MDGA2: variants seen among roughly 807,000 people sequenced by gnomAD.
MDGA2 encodes MAM domain containing glycosylphosphatidylinositol anchor 2, also known as MAM domain-containing glycosylphosphatidylinositol anchor protein 2.
Under a neutral mutation model 117.8 loss-of-function variants are expected in MDGA2, and 40 were observed. That is an observed-to-expected ratio of 0.34 (90% CI 0.26 to 0.44). The LOEUF (loss-of-function observed/expected upper bound fraction) is 0.44. Ranked by LOEUF, MDGA2 falls within the 20% of genes least tolerant of loss-of-function variation. The pLI is 1.00. For synonymous variants in MDGA2, 452 were observed against 439.0 expected (o/e 1.03, Z -0.37); for missense variants, 1,123 against 1,250.6 (o/e 0.90, Z 1.54).
At chr14:47,472,127 C>G (rs936341527) in intron 1 of MDGA2, among the ~76,000 whole-genome samples, 1 of 152,072 alleles carries the variant, frequency 6.6e-6, no homozygotes, top group African/African-American at 2.4e-5. Context: ...CAATCCACTA[C>G]CCCAGCACAA....
At chr14:46,868,419 C>T (rs1392916851) in intron 14 of MDGA2, among the ~76,000 whole-genome samples, 1 of 151,844 alleles carries the variant, frequency 6.6e-6, no homozygotes, top group Non-Finnish European at 1.5e-5. Flanking sequence ...ATCAAGCCTA[C>T]AGTTCAGCAG....
chr14:47,438,303 C>G (rs1458522015), intron 1 of MDGA2, among the ~76,000 whole-genome samples: 1 of 152,086 alleles, frequency 6.6e-6, no homozygotes, highest in Non-Finnish European at 1.5e-5. Flanking sequence ...CAATGGGAGG[C>G]TACTCAACAG....
chr14:46,940,799 CT>C (rs1884970214), intron 9 of MDGA2, among the ~76,000 whole-genome samples: 1 of 152,108 alleles, frequency 6.6e-6, no homozygotes, highest in East Asian at 1.9e-4. Flanking sequence ...ACCACATTAA[CT>C]TCTTGGCAAG....
Position 47,189,039 on chromosome 14 carries a change from C to CTGT in MDGA2, c.595+28979_595+28981dup, listed in dbSNP as rs543578659. Among the ~76,000 whole-genome samples, 209 of 152,234 alleles carry CTGT rather than the reference C, an allele frequency of 1.4e-3. 2 individuals carry two copies. The highest frequency in any genetic ancestry group is 4.7e-3 in the African/African-American group (197 of 41,546). On this transcript the variant is annotated intron_variant, in intron 3 of 16. Coordinates refer to ENST00000399232, the MANE Select transcript of MDGA2 (RefSeq NM_001113498.3). ...CAGTCCTTAGAAACAAGAAGCTTTG[C>CTGT]TGTTGTTGTTGGTGACAGCTCACTT...
At chr14:47,226,260 A>AATAG (rs1220651115) in intron 2 of MDGA2, among the ~76,000 whole-genome samples, 90 of 148,762 alleles carry the variant, frequency 6.0e-4, no homozygotes, top group Non-Finnish European at 1.0e-3. Flanking sequence ...TAAATAAATA[A>AATAG]ATGGGAGGAG....
chr14:47,271,456 T>G (rs1194350531), intron 2 of MDGA2, among the ~76,000 whole-genome samples: 1 of 152,160 alleles, frequency 6.6e-6, no homozygotes, highest in East Asian at 1.9e-4. Context: ...CCAGGTTCTT[T>G]CGCAAATATT....
Position 47,084,868 on chromosome 14 carries a change from T to G in MDGA2, c.1195+11986A>C, listed in dbSNP as rs141837407. On this transcript the variant is annotated intron_variant, in intron 6 of 16. Coordinates refer to ENST00000399232, the MANE Select transcript of MDGA2 (RefSeq NM_001113498.3). Reference sequence around the variant, plus strand: ...ATCTTGGACTTCCAGGATCTAGAACTGTGAGACATCACCATTTGTTGTTTA... The same window carrying G: ...ATCTTGGACTTCCAGGATCTAGAACGGTGAGACATCACCATTTGTTGTTTA... Among the ~76,000 whole-genome samples the G allele has an allele frequency of 6.8e-3, 1,029 of 152,294 alleles. 14 individuals are homozygous for G. Among genetic ancestry groups the G allele is most frequent in the African/African-American group, 0.023 (960 of 41,562 alleles).
chr14:47,570,408 G>C (rs891591712), intron 1 of MDGA2, among the ~76,000 whole-genome samples: 2 of 152,122 alleles, frequency 1.3e-5, no homozygotes, highest in African/African-American at 4.8e-5. Flanking sequence ...GTTCAACTTA[G>C]ACAAGTTCTT....
In MDGA2 at chr14:47,594,599, G is replaced by A. The variant is rs78269891; in HGVS notation, c.280+79918C>T. On this transcript the variant is annotated intron_variant, in intron 1 of 16. Transcript: ENST00000399232. ...CTCAAAAGTTAGAGGAGGAAATACTGCCCCCTAAGTGTTGCTGGTATTCTC... is the reference window on the plus strand; with the variant it reads ...CTCAAAAGTTAGAGGAGGAAATACTACCCCCTAAGTGTTGCTGGTATTCTC... 6.0e-3 allele frequency among the ~76,000 whole-genome samples: 910 copies of A among 152,236 alleles called. 9 individuals carry two copies. The highest frequency in any genetic ancestry group is 0.02 in the African/African-American group (848 of 41,548).
chr14:47,649,174 T>C (rs1897591288), intron 1 of MDGA2, among the ~76,000 whole-genome samples: 1 of 152,222 alleles, frequency 6.6e-6, no homozygotes. Flanking sequence ...ACCTATTGGG[T>C]ATTTTTTTCT....
intron 1 of MDGA2, among the ~76,000 whole-genome samples, chr14:47,649,961 T>C (rs1897608102): frequency 6.6e-6 from 1 of 152,086 alleles, no homozygotes; most frequent in Non-Finnish European, 1.5e-5. Flanking sequence ...GGATACTAGA[T>C]ATTTGGTCAA....
At chr14:47,578,604 C>T (rs1305276701) in intron 1 of MDGA2, among the ~76,000 whole-genome samples, 3 of 152,050 alleles carry the variant, frequency 2.0e-5, no homozygotes, top group African/African-American at 2.4e-5. Context: ...GCTAGTTTTA[C>T]TAATTGTCTT....
At position 47,348,357 on chromosome 14, in the gene MDGA2, G is replaced by A. The variant is rs146868364; in HGVS notation, c.281-46807C>T. Among the ~76,000 whole-genome samples, 565 of 151,920 alleles carry A rather than the reference G, an allele frequency of 3.7e-3. 3 individuals carry two copies. Among genetic ancestry groups the A allele is most frequent in the African/African-American group, 0.013 (539 of 41,452 alleles). On this transcript the variant is annotated intron_variant, in intron 1 of 16. Transcript: ENST00000399232. ...CTCCAGAGTAGCTGAGATTACAGGC[G>A]TGTGACACCACGCCCAGCTAATTTT...
chr14:47,108,503 G>T (rs1461857111), intron 5 of MDGA2, among the ~76,000 whole-genome samples: 1 of 151,986 alleles, frequency 6.6e-6, no homozygotes, highest in Admixed American at 6.6e-5. Context: ...ACATTACCTT[G>T]TGAAAGTCCT....
chr14:46,877,486 T>C lies in MDGA2; in HGVS notation c.2437+3A>G. On this transcript the variant is annotated splice_donor_region_variant and intron_variant, in intron 12 of 16. Coordinates refer to ENST00000399232, the MANE Select transcript of MDGA2 (RefSeq NM_001113498.3). ...GCCATTTTGTAAGTTAAAATATACTTACTCAAATGAGGATTTACAGGAGCT... is the reference window on the plus strand; with the variant it reads ...GCCATTTTGTAAGTTAAAATATACTCACTCAAATGAGGATTTACAGGAGCT... 6.8e-7 allele frequency: 1 copy of C among 1,477,954 alleles called. No individual in the cohort carries two copies. Among genetic ancestry groups the C allele is most frequent in the Non-Finnish European group, 9.3e-7 (1 of 1,079,318 alleles). 91.6% of individuals were successfully genotyped at this position (1,477,954 alleles called of 1,614,324 possible).
chr14:46,934,023 C>A (rs560911272), intron 9 of MDGA2, among the ~76,000 whole-genome samples: 1 of 151,256 alleles, frequency 6.6e-6, no homozygotes, highest in African/African-American at 2.4e-5. Flanking sequence ...AGTTAAGAAT[C>A]TTATCCAAAA....
At chr14:47,364,055 A>T (rs1314547371) in intron 1 of MDGA2, among the ~76,000 whole-genome samples, 1 of 152,018 alleles carries the variant, frequency 6.6e-6, no homozygotes, top group African/African-American at 2.4e-5. Flanking sequence ...GACCTACACC[A>T]AATTACATGA....
At chr14:47,308,060 G>A (rs560251124) in intron 1 of MDGA2, among the ~76,000 whole-genome samples, 1 of 152,234 alleles carries the variant, frequency 6.6e-6, no homozygotes, top group African/African-American at 2.4e-5. Flanking sequence ...ATACCATGGA[G>A]TTGTCAGTTA....
At chr14:47,508,965 C>G (rs1894580774) in intron 1 of MDGA2, among the ~76,000 whole-genome samples, 1 of 152,156 alleles carries the variant, frequency 6.6e-6, no homozygotes. Context: ...GCTGGGATTA[C>G]AGGCGTGAGC....
Sources: gnomAD v4.1 joint callset for allele counts (sites outside exome capture counted in the v4.1 genomes callset) on GRCh38, gnomAD v4.1.1 for gene constraint, MANE v1.5 for transcripts, NCBI Gene and HGNC (gene_info 2026-07-23, HGNC 2026-07-21) for gene names.